The following NXPH1 variants were observed in gnomAD, a reference collection of about 807,000 sequenced individuals.
The protein encoded by NXPH1 is neurexophilin-1.
NXPH1 carries 5 observed loss-of-function variants against 23.7 expected under a neutral mutation model. The observed-to-expected ratio is 0.21, with a 90% CI of 0.11 to 0.44. The LOEUF is 0.44. Ranked by LOEUF, NXPH1 falls within the 20% of genes least tolerant of loss-of-function variation. The probability of loss-of-function intolerance (pLI) is 0.99; values close to 1 mark genes in which losing one functional copy is unlikely to be tolerated. For missense variants in NXPH1, 324 were observed against 321.6 expected, an observed-to-expected ratio of 1.01 and a Z score of -0.06; for synonymous variants, 144 against 122.2, an observed-to-expected ratio of 1.18 and a Z score of -1.18.
intron 2 of NXPH1, among the ~76,000 whole-genome samples, chr7:8,732,735 TA>T (rs1780179955): frequency 1.3e-5 from 2 of 152,140 alleles, no homozygotes; most frequent in South Asian, 2.1e-4. Context: ...AAATATAAGC[TA>T]TTTTTTTCTG....
chr7:8,701,226 A>G (rs928401909), intron 2 of NXPH1, among the ~76,000 whole-genome samples: 5 of 152,132 alleles, frequency 3.3e-5, no homozygotes, highest in African/African-American at 7.2e-5. Context: ...ATGTAATTCT[A>G]TAATGGTATC....
intron 2 of NXPH1, among the ~76,000 whole-genome samples, chr7:8,710,647 GTTTT>G (rs1424880912): frequency 3.9e-5 from 2 of 51,718 alleles, no homozygotes; most frequent in East Asian, 1.6e-3. Context: ...TACGTTTTTT[GTTTT>G]TTTTTTTTTT....
intron 2 of NXPH1, among the ~76,000 whole-genome samples, chr7:8,673,674 T>C (rs1820906051): frequency 6.6e-6 from 1 of 152,170 alleles, no homozygotes; most frequent in Admixed American, 6.5e-5. Flanking sequence ...TGTGTGTGCA[T>C]GTATGTATGT....
intron 2 of NXPH1, among the ~76,000 whole-genome samples, chr7:8,554,886 T>C (rs1371234762): frequency 6.6e-6 from 1 of 151,752 alleles, no homozygotes; most frequent in Non-Finnish European, 1.5e-5. Flanking sequence ...AAATTTTTTC[T>C]TGATCCTATT....
intron 2 of NXPH1, among the ~76,000 whole-genome samples, chr7:8,603,565 T>C (rs912906623): frequency 1.3e-5 from 2 of 152,208 alleles, no homozygotes; most frequent in Non-Finnish European, 2.9e-5. Context: ...GTCTTTACTA[T>C]CATTTGTTTA....
chr7:8,745,719 A>ATTTTTTTTTTTTTTT (rs56019801), intron 2 of NXPH1, among the ~76,000 whole-genome samples: 65 of 111,808 alleles, frequency 5.8e-4, no homozygotes, highest in Middle Eastern at 5.4e-3. Flanking sequence ...CGCCCAGCTA[A>ATTTTTTTTTTTTTTT]TTTTTTTTTT....
chr7:8,635,786 CT>C (rs1450368741), intron 2 of NXPH1, among the ~76,000 whole-genome samples: 1 of 151,958 alleles, frequency 6.6e-6, no homozygotes, highest in Non-Finnish European at 1.5e-5. Context: ...AGCTTTTTTT[CT>C]TTTTTTGACA....
intron 2 of NXPH1, among the ~76,000 whole-genome samples, chr7:8,571,682 A>G (rs1818651233): frequency 6.6e-6 from 1 of 151,984 alleles, no homozygotes; most frequent in African/African-American, 2.4e-5. Context: ...ACTACTCTGA[A>G]AAATTTTGAG....
chr7:8,642,153 G>A (rs76522266), intron 2 of NXPH1, among the ~76,000 whole-genome samples: 7,224 of 152,176 alleles, frequency 0.047, 379 homozygotes, highest in East Asian at 0.17. Flanking sequence ...CCTTAAAAAG[G>A]GTGTTTTGAA....
At position 8,659,033 on chromosome 7, in the gene NXPH1, A is replaced by G. The variant is rs1393659904; in HGVS notation, c.55-91975A>G. ...TTTTTTTTTTTTTGCTAAAACAGAA[A>G]AAGTATAAGGTGAATGCCCCAGCAA... On this transcript the variant is annotated intron_variant, in intron 2 of 2. Coordinates refer to ENST00000405863, the MANE Select transcript of NXPH1 (RefSeq NM_152745.3). 2.4e-5 allele frequency among the ~76,000 whole-genome samples: 2 copies of G among 83,320 alleles called. 1 individual carries two copies. Among genetic ancestry groups the G allele is most frequent in the Non-Finnish European group, 6.1e-5 (2 of 32,636 alleles). The allele number at this position is 83,320 out of a possible 152,430, so 54.7% of individuals were successfully genotyped here.
At chr7:8,482,655 A>G (rs995824750) in intron 2 of NXPH1, among the ~76,000 whole-genome samples, 1 of 152,184 alleles carries the variant, frequency 6.6e-6, no homozygotes, top group African/African-American at 2.4e-5. Flanking sequence ...AAGGCCAATA[A>G]TGCTCATGGT....
intron 2 of NXPH1, among the ~76,000 whole-genome samples, chr7:8,524,762 G>T (rs887954667): frequency 6.6e-6 from 1 of 152,124 alleles, no homozygotes; most frequent in Non-Finnish European, 1.5e-5. Context: ...TTCCACTTTT[G>T]CTTCATCCTC....
intron 2 of NXPH1, among the ~76,000 whole-genome samples, chr7:8,658,836 G>C (rs1035050203): frequency 1.3e-5 from 2 of 152,128 alleles, no homozygotes; most frequent in Non-Finnish European, 2.9e-5. Context: ...GTCAGCGTGA[G>C]GTAGAATAGA....
chr7:8,477,925 T>TATCA (rs112462015), intron 2 of NXPH1, among the ~76,000 whole-genome samples: 1 of 152,248 alleles, frequency 6.6e-6, no homozygotes, highest in African/African-American at 2.4e-5. Context: ...CTTTTAAATC[T>TATCA]GGGATTTAAA....
At chr7:8,659,473 A>G (rs190486523) in intron 2 of NXPH1, among the ~76,000 whole-genome samples, 7 of 152,314 alleles carry the variant, frequency 4.6e-5, no homozygotes, top group African/African-American at 1.7e-4. Context: ...TCAGCAAACT[A>G]TCGCAAGGAC....
At chr7:8,686,838 T>G (rs1465301750) in intron 2 of NXPH1, among the ~76,000 whole-genome samples, 1 of 152,150 alleles carries the variant, frequency 6.6e-6, no homozygotes, top group African/African-American at 2.4e-5. Context: ...TGTTGTCATT[T>G]ATGCCATCAC....
At chr7:8,732,770 T>C (rs1217626151) in intron 2 of NXPH1, among the ~76,000 whole-genome samples, 1 of 152,136 alleles carries the variant, frequency 6.6e-6, no homozygotes, top group Non-Finnish European at 1.5e-5. Flanking sequence ...TTGTTAGTGG[T>C]GAATCAGTGA....
intron 2 of NXPH1, among the ~76,000 whole-genome samples, chr7:8,510,405 T>A (rs1214098990): frequency 1.3e-5 from 2 of 152,098 alleles, no homozygotes; most frequent in Admixed American, 1.3e-4. Context: ...GATGACAAAG[T>A]TGAGGCATAG....
intron 2 of NXPH1, among the ~76,000 whole-genome samples, chr7:8,545,561 A>G (rs185110463): frequency 1.3e-5 from 2 of 151,598 alleles, no homozygotes; most frequent in East Asian, 3.9e-4. Context: ...AAAACAAAAT[A>G]CTAATCTGCA....
Sources: allele counts gnomAD v4.1 joint callset (sites outside exome capture counted in the v4.1 genomes callset), GRCh38; gene constraint gnomAD v4.1.1; transcripts MANE v1.5; gene names NCBI Gene and HGNC (gene_info 2026-07-23, HGNC 2026-07-21).